CSMD1: variants seen among roughly 807,000 people sequenced by gnomAD.
CSMD1 encodes the protein CUB and sushi domain-containing protein 1.
Under a neutral mutation model 417.5 loss-of-function variants are expected in CSMD1, and 213 were observed. The observed-to-expected ratio is 0.51, with a 90% CI of 0.46 to 0.57. CSMD1 has a LOEUF of 0.57. CSMD1 is among the 20% of genes least tolerant of loss of function. CSMD1 has a pLI of 0.00. For missense variants in CSMD1, 6,923 were observed against 4,529.7 expected, an observed-to-expected ratio of 1.53 and a Z score of -15.17; for synonymous variants, 2,862 against 1,736.8, an observed-to-expected ratio of 1.65 and a Z score of -16.11.
intron 12 of CSMD1, among the ~76,000 whole-genome samples, chr8:3,427,471 A>C (rs780727847): frequency 6.6e-6 from 1 of 152,168 alleles, no homozygotes; most frequent in Non-Finnish European, 1.5e-5. Flanking sequence ...TGAAACCTTT[A>C]AAATGAAGAT....
At chr8:4,360,369 C>T (rs1801682502) in intron 3 of CSMD1, among the ~76,000 whole-genome samples, 1 of 152,156 alleles carries the variant, frequency 6.6e-6, no homozygotes, top group South Asian at 2.1e-4. Context: ...TGCCTCTTTA[C>T]CCTAATTGTA....
At position 3,145,452 on chromosome 8, in the gene CSMD1, C is replaced by T. The variant is rs533788599; in HGVS notation, c.6032-2778G>A. Reference sequence around the variant, plus strand: ...GATCAGGGTGCAAAGAAATGGAGGACATCCAACGTCTCAAAAGTACAGGAT... The same window carrying T: ...GATCAGGGTGCAAAGAAATGGAGGATATCCAACGTCTCAAAAGTACAGGAT... On this transcript the variant is annotated intron_variant, in intron 40 of 69. Coordinates refer to ENST00000635120, the MANE Select transcript of CSMD1 (RefSeq NM_033225.6). Among the ~76,000 whole-genome samples the T allele has an allele frequency of 5.4e-4, 82 of 152,178 alleles. No individual in the cohort carries two copies. The East Asian group carries it at 0.014, about 27-fold the overall frequency.
intron 1 of CSMD1, among the ~76,000 whole-genome samples, chr8:4,735,803 C>T (rs1039657687): frequency 6.6e-6 from 1 of 152,170 alleles, no homozygotes; most frequent in African/African-American, 2.4e-5. Flanking sequence ...TTTTCCAAGG[C>T]TGCCTAGATC....
At chr8:4,797,047 A>C (rs1419590477) in intron 1 of CSMD1, among the ~76,000 whole-genome samples, 3 of 152,152 alleles carry the variant, frequency 2.0e-5, no homozygotes, top group Non-Finnish European at 2.9e-5. Context: ...AATTCTTAAG[A>C]GAGAAGCAAC....
intron 20 of CSMD1, among the ~76,000 whole-genome samples, chr8:3,365,336 G>C (rs1048119440): frequency 9.9e-5 from 15 of 152,180 alleles, no homozygotes; most frequent in Admixed American, 4.6e-4. Flanking sequence ...GGTAGAATTA[G>C]AGGGAGTATA....
At chr8:3,519,785 T>C (rs1275609461) in intron 10 of CSMD1, among the ~76,000 whole-genome samples, 1 of 151,542 alleles carries the variant, frequency 6.6e-6, no homozygotes, top group Middle Eastern at 3.4e-3. Flanking sequence ...ACTTGCATCA[T>C]TTAATAATAA....
At chr8:3,962,320 G>A (rs1470676559) in intron 5 of CSMD1, among the ~76,000 whole-genome samples, 1 of 89,192 alleles carries the variant, frequency 1.1e-5, no homozygotes, top group African/African-American at 3.6e-5. Context: ...TTCCAGCAGT[G>A]ACAGATTATG....
intron 1 of CSMD1, among the ~76,000 whole-genome samples, chr8:4,659,869 A>C (rs933767033): frequency 5.9e-5 from 9 of 152,136 alleles, no homozygotes; most frequent in Middle Eastern, 3.2e-3. Context: ...AAATCAAATA[A>C]ATCATAAAAA....
chr8:3,427,179 G>C (rs1242790764), intron 12 of CSMD1, among the ~76,000 whole-genome samples: 2 of 152,120 alleles, frequency 1.3e-5, no homozygotes, highest in East Asian at 1.9e-4. Flanking sequence ...GAGATTTTGG[G>C]TGCAGACTCA....
intron 3 of CSMD1, among the ~76,000 whole-genome samples, chr8:4,075,384 C>G (rs1208393406): frequency 6.6e-6 from 1 of 151,778 alleles, no homozygotes; most frequent in African/African-American, 2.4e-5. Context: ...TGCTAAAGAA[C>G]AGAAAAAACT....
At chr8:4,286,957 G>A (rs1797093043) in intron 3 of CSMD1, among the ~76,000 whole-genome samples, 1 of 152,156 alleles carries the variant, frequency 6.6e-6, no homozygotes. Flanking sequence ...ATTCCATAGA[G>A]GCAGCTGAAG....
At position 3,329,758 on chromosome 8, in the gene CSMD1, G is replaced by C. The variant is rs145619971; in HGVS notation, c.3631+13536C>G. Among the ~76,000 whole-genome samples, 628 of 152,302 alleles carry C rather than the reference G, an allele frequency of 4.1e-3. 2 individuals are homozygous for C. The highest frequency in any genetic ancestry group is 5.7e-3 in the Non-Finnish European group (391 of 68,038). On this transcript the variant is annotated intron_variant, in intron 23 of 69. Transcript: ENST00000635120. ...AGTGTGAGCAGAGGCCATGCCATCA[G>C]TCTGTGCAGGGTGATGCATTGTGAG...
intron 37 of CSMD1, among the ~76,000 whole-genome samples, chr8:3,175,471 T>C (rs1427663287): frequency 7.2e-5 from 3 of 41,766 alleles, no homozygotes; most frequent in African/African-American, 1.4e-4. Context: ...TCCTTCCTTC[T>C]TTTCCCTTCC....
intron 25 of CSMD1, among the ~76,000 whole-genome samples, chr8:3,302,426 A>G (rs76814323): frequency 0.038 from 5,747 of 152,174 alleles, 228 homozygotes; most frequent in Admixed American, 0.11. Context: ...AGCAGTGGCA[A>G]TGTTCCCACC....
At chr8:3,494,019 C>T (rs1406769985) in intron 10 of CSMD1, among the ~76,000 whole-genome samples, 1 of 152,136 alleles carries the variant, frequency 6.6e-6, no homozygotes, top group Non-Finnish European at 1.5e-5. Flanking sequence ...TAAATGTTTA[C>T]TTTAACATTC....
At chr8:4,638,708 C>T (rs1414338223) in intron 1 of CSMD1, among the ~76,000 whole-genome samples, 2 of 152,152 alleles carry the variant, frequency 1.3e-5, no homozygotes, top group East Asian at 3.9e-4. Context: ...ACTCAGCCCT[C>T]CCTTAAGAAC....
intron 1 of CSMD1, among the ~76,000 whole-genome samples, chr8:4,930,188 G>A (rs558168941): frequency 5.3e-5 from 8 of 152,218 alleles, no homozygotes; most frequent in Admixed American, 1.3e-4. Flanking sequence ...ATGGACAGAC[G>A]TTCTCCAATT....
At chr8:3,904,986 G>C (rs1196039906) in intron 5 of CSMD1, among the ~76,000 whole-genome samples, 1 of 152,066 alleles carries the variant, frequency 6.6e-6, no homozygotes, top group Non-Finnish European at 1.5e-5. Flanking sequence ...AGAGGAAGAA[G>C]TACCAAGTTA....
chr8:4,913,123 C>T (rs570891393), intron 1 of CSMD1, among the ~76,000 whole-genome samples: 2 of 152,230 alleles, frequency 1.3e-5, no homozygotes, highest in African/African-American at 2.4e-5. Flanking sequence ...CGTGAGGGAT[C>T]ACAGATCAAA....
Sources: gnomAD v4.1 joint callset for allele counts (sites outside exome capture counted in the v4.1 genomes callset) on GRCh38, gnomAD v4.1.1 for gene constraint, MANE v1.5 for transcripts, NCBI Gene and HGNC (gene_info 2026-07-23, HGNC 2026-07-21) for gene names.